The following EVC2 variants were observed in gnomAD, a reference collection of about 807,000 sequenced individuals.
EVC2 encodes the protein EvC ciliary complex subunit 2.
A neutral mutation model predicts 149.3 loss-of-function variants in EVC2; 148 were observed. The observed-to-expected ratio is 0.99, with a 90% CI of 0.87 to 1.14. The LOEUF (loss-of-function observed/expected upper bound fraction) is 1.14. Among genes scored for constraint, EVC2 ranks in the 50% most tolerant of loss-of-function variants. The pLI, the probability that EVC2 is intolerant of heterozygous loss-of-function variation, is 0.00. For missense variants in EVC2, 1,854 were observed against 1,627.3 expected (o/e 1.14, Z -2.40); for synonymous variants, 776 against 649.9 (o/e 1.19, Z -2.95).
intron 6 of EVC2, among the ~76,000 whole-genome samples, chr4:5,681,535 C>A (rs1720344616): frequency 6.6e-6 from 1 of 152,166 alleles, no homozygotes; most frequent in South Asian, 2.1e-4. Flanking sequence ...ACACCAGCTT[C>A]GCTAACATCC....
At chr4:5,586,728 T>A (rs1712313264) in intron 16 of EVC2, among the ~76,000 whole-genome samples, 1 of 152,182 alleles carries the variant, frequency 6.6e-6, no homozygotes, top group African/African-American at 2.4e-5. Flanking sequence ...AATCTTTTCA[T>A]CGAATTATGA....
Position 5,569,334 on chromosome 4 carries a change from T to C in EVC2, c.3361-694A>G, listed in dbSNP as rs1470943299. On this transcript the variant is annotated intron_variant, in intron 19 of 21. Transcript: ENST00000344408. The surrounding 1 kb of genome is among the most constrained non-coding windows in gnomAD (Gnocchi z 4.8). Reference sequence around the variant, plus strand: ...TTGATGGTGCTGCTGGTTACATGAATGTGCATAGGATAAAATGACAGAGAA... The same window carrying C: ...TTGATGGTGCTGCTGGTTACATGAACGTGCATAGGATAAAATGACAGAGAA... 6.6e-6 allele frequency among the ~76,000 whole-genome samples: 1 copy of C among 152,164 alleles called. No homozygotes were observed. Among genetic ancestry groups the C allele is most frequent in the Non-Finnish European group, 1.5e-5 (1 of 68,026 alleles).
intron 6 of EVC2, among the ~76,000 whole-genome samples, chr4:5,683,598 G>T (rs1038849400): frequency 3.3e-5 from 5 of 152,148 alleles, no homozygotes; most frequent in Non-Finnish European, 5.9e-5. Flanking sequence ...GTGAGGGAGT[G>T]GGGGAGGGGT....
Position 5,636,168 on chromosome 4 carries a change from G to A in EVC2, c.1471-4136C>T, listed in dbSNP as rs1307338277. On this transcript the variant is annotated intron_variant, in intron 10 of 21. Transcript: ENST00000344408. This position sits in a 1 kb window ranked among gnomAD's most constrained non-coding sequence, Gnocchi z 4.6. ...AGGAGACCCAGGGTGACTGGGTAAC[G>A]TGCCTACTGGAGGAAAAGAGGGAGG... 1.3e-5 allele frequency among the ~76,000 whole-genome samples: 2 copies of A among 152,152 alleles called. No individual in the cohort carries two copies. The highest frequency in any genetic ancestry group is 6.5e-5 in the Admixed American group (1 of 15,278).
chr4:5,701,176 A>T (rs1267450419), intron 1 of EVC2, among the ~76,000 whole-genome samples: 1 of 152,112 alleles, frequency 6.6e-6, no homozygotes, highest in South Asian at 2.1e-4. Flanking sequence ...CTCACGTTGC[A>T]TCTCTCTGAC....
rs1215352801 is a variant in EVC2 at position 5,622,433 on chromosome 4, G to C, written c.2501+104C>G. 7.7e-7 allele frequency: 1 copy of C among 1,306,032 alleles called. No homozygotes were observed. The highest frequency in any genetic ancestry group is 1.5e-5 in the African/African-American group (1 of 68,350). The allele number at this position is 1,306,032 out of a possible 1,614,324, so 80.9% of individuals were successfully genotyped here. A position where few individuals can be genotyped will look rare whatever the true frequency, so the allele number is the denominator to read the frequency against. ...TAACGCTGGTAATCTCATCTGTCTG[G>C]GGCCAGGTGTCTCATGCTTGGCCAT... is the stretch of plus-strand genomic sequence containing the variant. On this transcript the variant is annotated intron_variant, in intron 14 of 21. Coordinates refer to ENST00000344408, the MANE Select transcript of EVC2 (RefSeq NM_147127.5). This position sits in a 1 kb window ranked among gnomAD's most constrained non-coding sequence, Gnocchi z 5.8.
intron 14 of EVC2, among the ~76,000 whole-genome samples, chr4:5,619,454 G>C (rs1715520483): frequency 6.6e-6 from 1 of 152,088 alleles, no homozygotes; most frequent in South Asian, 2.1e-4. Flanking sequence ...TGAATGCCAA[G>C]GATTGCCAGC....
rs1269107887 is a variant in EVC2 at position 5,625,789 on chromosome 4, T to G, written c.2006A>C (p.Gln669Pro). 1.9e-6 allele frequency: 3 copies of G among 1,614,066 alleles called. No homozygotes were observed. The highest frequency in any genetic ancestry group is 2.5e-6 in the Non-Finnish European group (3 of 1,180,052). The change falls in exon 13 of 22, where the codon CAA becomes CCA. Residue 669 changes from glutamine (Q) to proline (P), a missense_variant. Coordinates refer to ENST00000344408, the MANE Select transcript of EVC2 (RefSeq NM_147127.5). The surrounding 1 kb of genome is among the most constrained non-coding windows in gnomAD (Gnocchi z 4.0). Reference protein sequence around the residue: ...DLKQEKKKLHQKLITKRRREL... With the variant: ...DLKQEKKKLHPKLITKRRREL... ...TCGTCTTCTCTTAGTTATTAATTTT[T>G]GGTGGAGCTTTTTCTTTTCCTGCTT... is the stretch of plus-strand genomic sequence containing the variant.
chr4:5,583,490 G>A (rs894025618), intron 17 of EVC2, among the ~76,000 whole-genome samples: 3 of 152,144 alleles, frequency 2.0e-5, no homozygotes, highest in African/African-American at 7.2e-5. Flanking sequence ...TGTCTTTTGT[G>A]TGGTTTGGAA....
Position 5,618,206 on chromosome 4 carries a change from G to A in EVC2, c.2706+272C>T, listed in dbSNP as rs555282039. Among the ~76,000 whole-genome samples the A allele has an allele frequency of 6.6e-6, 1 of 152,306 alleles. No individual in the cohort carries two copies. The highest frequency in any genetic ancestry group is 2.1e-4 in the South Asian group (1 of 4,820). On this transcript the variant is annotated intron_variant, in intron 15 of 21. Coordinates refer to ENST00000344408, the MANE Select transcript of EVC2 (RefSeq NM_147127.5). The surrounding 1 kb of genome is among the most constrained non-coding windows in gnomAD (Gnocchi z 4.4). ...AGGCAGCTTCCCTCAGGAGATTGTG[G>A]CTGCGCAAGGCTGACACAGCTGCTG...
At position 5,685,439 on chromosome 4, in the gene EVC2, C is replaced by T; in HGVS notation, c.747G>A (p.Gln249=). ...AFAVSYAATL[Q]AGDLGNGESL... ...TCTCCCCGTTCCCGAGGTCTCCAGC[C>T]TGGAGCGTGGCTGCGTAGCTGACAG... is the stretch of plus-strand genomic sequence containing the variant. Residue 249 remains glutamine (Q), a synonymous_variant, in exon 6 of 22, where the codon CAG becomes CAA. Transcript: ENST00000344408. 1 of 1,614,222 alleles carries T rather than the reference C, an allele frequency of 6.2e-7. No homozygotes were observed. The highest frequency in any genetic ancestry group is 8.5e-7 in the Non-Finnish European group (1 of 1,180,050).
At chr4:5,639,251 GC>G (rs1361147391) in intron 10 of EVC2, among the ~76,000 whole-genome samples, 1 of 152,178 alleles carries the variant, frequency 6.6e-6, no homozygotes, top group Non-Finnish European at 1.5e-5. Context: ...GTAGTTGGAA[GC>G]CCTCCCTAGG....
In EVC2 at chr4:5,576,637, T is replaced by TCCATGCCTCCACATAGGC. The variant is rs1722953494; in HGVS notation, c.3058-201_3058-184dup. ...CACGATCTCTCACCCCTGTGTCACCTCCATGCCTCCACATAGGCCGTTCCC... is the reference window on the plus strand; with the variant it reads ...CACGATCTCTCACCCCTGTGTCACCTCCATGCCTCCACATAGGCCCATGCCTCCACATAGGCCGTTCCC... On this transcript the variant is annotated intron_variant, in intron 17 of 21. Transcript: ENST00000344408. This position sits in a 1 kb window ranked among gnomAD's most constrained non-coding sequence, Gnocchi z 4.5. Among the ~76,000 whole-genome samples the TCCATGCCTCCACATAGGC allele has an allele frequency of 6.6e-6, 1 of 152,158 alleles. No homozygotes were observed. The highest frequency in any genetic ancestry group is 1.5e-5 in the Non-Finnish European group (1 of 68,022).
chr4:5,642,795 G>T (rs553859082), intron 9 of EVC2, among the ~76,000 whole-genome samples: 2 of 152,280 alleles, frequency 1.3e-5, no homozygotes, highest in East Asian at 3.9e-4. Flanking sequence ...AAATACAAGG[G>T]TTTTAAGAAA....
At chr4:5,585,935 C>A (rs1009303099) in intron 16 of EVC2, among the ~76,000 whole-genome samples, 1 of 152,174 alleles carries the variant, frequency 6.6e-6, no homozygotes, top group Non-Finnish European at 1.5e-5. Flanking sequence ...AATCTTGGCT[C>A]ACTGCAACCT....
At chr4:5,699,642 C>A (rs74804543) in intron 1 of EVC2, among the ~76,000 whole-genome samples, 1,191 of 110,902 alleles carry the variant, frequency 0.011, no homozygotes, top group Middle Eastern at 0.016. Context: ...TCCATCTCTA[C>A]AAAAAAAAAA....
chr4:5,641,992 A>G (rs1274356706), intron 9 of EVC2, among the ~76,000 whole-genome samples: 2 of 152,106 alleles, frequency 1.3e-5, no homozygotes, highest in African/African-American at 4.8e-5. Flanking sequence ...CCCTGTGTCC[A>G]TATGTTCTCA....
At chr4:5,708,744 C>A (rs1299074015), upstream of EVC2, 2 of 434,288 alleles carry the variant, frequency 4.6e-6, no homozygotes, top group African/African-American at 2.1e-5. Context: ...CCTGGGTTTG[C>A]TTGCGCCCAA....
At chr4:5,703,480 A>ATGAAATGC (rs1220567886) in intron 1 of EVC2, among the ~76,000 whole-genome samples, 7 of 152,216 alleles carry the variant, frequency 4.6e-5, no homozygotes, top group Non-Finnish European at 1.0e-4. Flanking sequence ...AAGTTGACAC[A>ATGAAATGC]TGAAATGCTC....
Sources: allele counts gnomAD v4.1 joint callset (sites outside exome capture counted in the v4.1 genomes callset), GRCh38; gene constraint gnomAD v4.1.1; non-coding constraint Gnocchi (gnomAD v3.1); transcripts MANE v1.5; gene names NCBI Gene and HGNC (gene_info 2026-07-23, HGNC 2026-07-21).